The following CELA3A variants were observed in gnomAD, a reference collection of about 807,000 sequenced individuals.
The protein encoded by CELA3A is chymotrypsin like elastase 3A, also known as chymotrypsin-like elastase family member 3A.
In CELA3A, 35 loss-of-function variants were observed where a neutral mutation model predicts 38.6. That is an observed-to-expected ratio of 0.91 (90% CI 0.69 to 1.20). The LOEUF is 1.20. CELA3A is among the 50% of genes most tolerant of loss of function. The probability of loss-of-function intolerance (pLI) is 0.00; values close to 1 mark genes in which losing one functional copy is unlikely to be tolerated. For missense variants in CELA3A, 343 were observed against 354.2 expected, an observed-to-expected ratio of 0.97 and a Z score of 0.25; for synonymous variants, 143 against 136.7, an observed-to-expected ratio of 1.05 and a Z score of -0.32.
chr1:22,002,242 T>A (rs1416735828), intron 1 of CELA3A, among the ~76,000 whole-genome samples: 2 of 151,440 alleles, frequency 1.3e-5, no homozygotes, highest in Non-Finnish European at 2.9e-5. Flanking sequence ...TACTTTCTCA[T>A]GTAATTCTCA....
chr1:22,002,449 T>C, intron 1 of CELA3A: 2 of 440,162 alleles, frequency 4.5e-6, no homozygotes, highest in Non-Finnish European at 9.1e-6. Context: ...CCTACCACCT[T>C]AGCCTCCTGA....
intron 2 of CELA3A, among the ~76,000 whole-genome samples, chr1:22,005,169 G>A (rs1049353754): frequency 0.012 from 1,770 of 150,290 alleles, 53 homozygotes; most frequent in African/African-American, 0.043. Flanking sequence ...GCTGTTAAGA[G>A]ACAGAAGGTA....
intron 6 of CELA3A, 103 bp downstream of exon 6, chr1:22,007,618 A>C (rs987553030): frequency 3.0e-5 from 45 of 1,500,780 alleles, no homozygotes; most frequent in Admixed American, 4.1e-5. Flanking sequence ...TGCTTGCCCC[A>C]TTCAGCCTCC....
intron 6 of CELA3A, among the ~76,000 whole-genome samples, chr1:22,008,267 C>G (rs1427041053): frequency 6.7e-6 from 1 of 149,596 alleles, no homozygotes; most frequent in African/African-American, 2.5e-5. Flanking sequence ...CCTCCAATGT[C>G]AGCCTCCCAA....
chr1:22,009,927 A>G lies in CELA3A; in HGVS notation c.795+70A>G, dbSNP rs1274707312. 112 of 1,548,424 alleles carry G rather than the reference A, an allele frequency of 7.2e-5. 1 individual carries two copies. Among genetic ancestry groups the G allele is most frequent in the South Asian group, 2.4e-4 (20 of 82,330 alleles). On this transcript the variant is annotated intron_variant, in intron 7 of 7. Coordinates refer to ENST00000290122, the MANE Select transcript of CELA3A (RefSeq NM_005747.5). ...TTCTGAGAGGTGACAGGTGAGAAAC[A>G]TCGGATCCTGGGGAGGGCCTGAAAG...
In CELA3A at chr1:22,005,671, G is replaced by C; in HGVS notation, c.237G>C (p.Leu79=). Residue 79 remains leucine, a synonymous_variant, in exon 4 of 8, where the codon CTG becomes CTC. Transcript: ENST00000290122. ...VTAGHCISRD[L]TYQVVLGEYN... is the part of the protein sequence containing the mutation. ...TCACCTCTGCCTGCAGGAGGGATCTGACCTACCAGGTGGTGTTGGGTGAGT... is the reference window on the plus strand; with the variant it reads ...TCACCTCTGCCTGCAGGAGGGATCTCACCTACCAGGTGGTGTTGGGTGAGT... The C allele has an allele frequency of 6.2e-7, 1 of 1,612,460 alleles. No individual in the cohort carries two copies. The highest frequency in any genetic ancestry group is 8.5e-7 in the Non-Finnish European group (1 of 1,179,462).
chr1:22,009,643 C>T, intron 6 of CELA3A, 62 bp from the exon 7 acceptor site: 5 of 1,575,554 alleles, frequency 3.2e-6, no homozygotes, highest in Non-Finnish European at 4.3e-6. Flanking sequence ...CCCTAGAATT[C>T]AGAACCAGTT....
Position 22,012,046 on chromosome 1 carries a change from C to CA in CELA3A, c.796-396dup, listed in dbSNP as rs1187404007. 5.8e-5 allele frequency among the ~76,000 whole-genome samples: 7 copies of CA among 120,184 alleles called. 2 individuals are homozygous for CA. The highest frequency in any genetic ancestry group is 5.0e-4 in the South Asian group (2 of 3,964). The allele number at this position is 120,184 out of a possible 152,430, so 78.8% of individuals were successfully genotyped here. On this transcript the variant is annotated intron_variant, in intron 7 of 7. Transcript: ENST00000290122. ...TGGGCAACAGAGTGAGACTCTGTCTCAAAAAAAACCAAAAAAACAAAAAAA... is the reference window on the plus strand; with the variant it reads ...TGGGCAACAGAGTGAGACTCTGTCTCAAAAAAAAACCAAAAAAACAAAAAAA...
chr1:22,007,250 T>G, intron 5 of CELA3A, 123 bp from the exon 6 acceptor site: 1 of 1,395,944 alleles, frequency 7.2e-7, no homozygotes. Context: ...GCAGGACCAT[T>G]TAGCGGGTGG....
At chr1:22,006,462 G>A (rs1644950474) in intron 4 of CELA3A, among the ~76,000 whole-genome samples, 1 of 151,312 alleles carries the variant, frequency 6.6e-6, no homozygotes, top group South Asian at 2.1e-4. Flanking sequence ...GGGAGGCGGA[G>A]GCTGCAGTGA....
intron 6 of CELA3A, among the ~76,000 whole-genome samples, chr1:22,008,024 C>G (rs1644961519): frequency 6.6e-6 from 1 of 150,878 alleles, no homozygotes; most frequent in African/African-American, 2.5e-5. Flanking sequence ...CATGGTGGCA[C>G]TCGCCTGTAG....
chr1:22,006,847 C>A lies in CELA3A; in HGVS notation c.363-31C>A. 25 of 1,606,492 alleles carry A rather than the reference C, an allele frequency of 1.6e-5. 1 individual carries two copies. Among genetic ancestry groups the A allele is most frequent in the Non-Finnish European group, 2.1e-5 (25 of 1,175,508 alleles). On this transcript the variant is annotated intron_variant, in intron 4 of 7. Transcript: ENST00000290122. ...GGTAGGACTTGGGCCGGCTGGAGGA[C>A]CAGGCCCCGTGACTGTTCCCTCCTC...
At chr1:22,002,111 A>G (rs978377267) in intron 1 of CELA3A, among the ~76,000 whole-genome samples, 14 of 151,160 alleles carry the variant, frequency 9.3e-5, no homozygotes, top group Non-Finnish European at 1.9e-4. Flanking sequence ...TCTCTCTGCC[A>G]TATTACATTC....
rs1336933490 is a variant in CELA3A, at chr1:22,007,370, C to A, written c.500-3C>A. 2 of 1,607,364 alleles carry A rather than the reference C, an allele frequency of 1.2e-6. No individual in the cohort carries two copies. The highest frequency in any genetic ancestry group is 1.7e-4 in the Middle Eastern group (1 of 6,030). On this transcript the variant is annotated splice_region_variant and splice_polypyrimidine_tract_variant and intron_variant, in intron 5 of 7. Transcript: ENST00000290122. ...CCTGACTCGGTGCTTTTTATCCTTGCAGCCAATGGGCCACTCCCAGACAAG... is the reference window on the plus strand; with the variant it reads ...CCTGACTCGGTGCTTTTTATCCTTGAAGCCAATGGGCCACTCCCAGACAAG...
chr1:22,007,408 C>G lies in CELA3A; in HGVS notation c.535C>G (p.Arg179Gly). 6.2e-7 allele frequency: 1 copy of G among 1,612,330 alleles called. No homozygotes were observed. Among genetic ancestry groups the G allele is most frequent in the Non-Finnish European group, 8.5e-7 (1 of 1,179,298 alleles). ...ACTCCCAGACAAGCTGCAGCAGGCC[C>G]GGCTGCCCGTGGTGGACTATAAGCA... ...GPLPDKLQQA[R>G]LPVVDYKHCS... Residue 179 changes from arginine (R) to glycine (G), a missense_variant, in exon 6 of 8, where the codon CGG becomes GGG. By Grantham distance (125) the Arg-to-Gly change is moderately radical (BLOSUM62 -2). Transcript: ENST00000290122.
chr1:22,003,020 C>A lies in CELA3A; in HGVS notation c.61C>A (p.Pro21Thr), dbSNP rs1363520893. The A allele has an allele frequency of 1.5e-5, 24 of 1,574,420 alleles. 4 individuals carry two copies. Among genetic ancestry groups the A allele is most frequent in the Non-Finnish European group, 2.1e-5 (24 of 1,167,232 alleles). Residue 21 changes from proline (P) to threonine (T), a missense_variant, in exon 2 of 8, where the codon CCT becomes ACT. By Grantham distance (38) the Pro-to-Thr change is conservative. Coordinates refer to ENST00000290122, the MANE Select transcript of CELA3A (RefSeq NM_005747.5). ...CCCTCTAGCCTCAGGCTATGGCCCACCTTCCTCTCACTCTTCCAGCCGCGT... is the reference window on the plus strand; with the variant it reads ...CCCTCTAGCCTCAGGCTATGGCCCAACTTCCTCTCACTCTTCCAGCCGCGT... ...LVAVASGYGPPSSHSSSRVVH... is the reference protein window; with the variant it reads ...LVAVASGYGPTSSHSSSRVVH...
chr1:22,010,314 C>CA (rs1480504485), intron 7 of CELA3A: 22 of 314,426 alleles, frequency 7.0e-5, no homozygotes, highest in Non-Finnish European at 1.1e-4. Context: ...AATAGCTAAA[C>CA]AACAAAAAAA....
At chr1:22,002,537 C>T (rs545310484) in intron 1 of CELA3A, 23 of 455,092 alleles carry the variant, frequency 5.1e-5, no homozygotes, top group African/African-American at 4.3e-4. Context: ...GAGATGAGGT[C>T]TTGCTATGTT....
At chr1:22,005,078 G>C (rs4317779) in intron 2 of CELA3A, among the ~76,000 whole-genome samples, 127,236 of 138,024 alleles carry the variant, frequency 0.92, 58,775 homozygotes, top group Non-Finnish European at 0.95. Context: ...CCAGCCTGGG[G>C]AACAAGAGCA....
Sources: gnomAD v4.1 joint callset for allele counts (sites outside exome capture counted in the v4.1 genomes callset) on GRCh38, gnomAD v4.1.1 for gene constraint, MANE v1.5 for transcripts, NCBI Gene and HGNC (gene_info 2026-07-23, HGNC 2026-07-21) for gene names.